Variants in DIP2C observed in about 807,000 individuals in gnomAD.
DIP2C encodes the protein disco-interacting protein 2 homolog C.
In DIP2C, 33 loss-of-function variants were observed where a neutral mutation model predicts 192.4. The ratio of observed to expected loss-of-function variants is 0.17; its 90% CI spans 0.13 to 0.23. The LOEUF (loss-of-function observed/expected upper bound fraction) is 0.23, where lower values mean the gene tolerates loss of function less well. Ranked by LOEUF, DIP2C falls within the 10% of genes least tolerant of loss-of-function variation. The pLI is 1.00. For missense variants in DIP2C, 1,537 were observed against 2,110.1 expected (o/e 0.73, Z 5.32); for synonymous variants, 979 against 864.1 (o/e 1.13, Z -2.33).
In DIP2C at chr10:458,137, A is replaced by G. The variant is rs565346713; in HGVS notation, c.268+14302T>C. 1.8e-4 allele frequency among the ~76,000 whole-genome samples: 27 copies of G among 152,322 alleles called. 1 individual carries two copies. The East Asian group carries it at 5.2e-3, about 29-fold the overall frequency. On this transcript the variant is annotated intron_variant, in intron 3 of 36. Transcript: ENST00000280886. ...CATACTGGACAGGGCAGCTCCCACC[A>G]GACAGAGCCTGTCACCTCCTCTGGG...
chr10:437,699 G>C (rs1967382750), intron 4 of DIP2C: 1 of 152,138 alleles, frequency 6.6e-6, no homozygotes, highest in Non-Finnish European at 1.5e-5. Flanking sequence ...CAGAAGTTTT[G>C]GCAAATTATT....
intron 1 of DIP2C, among the ~76,000 whole-genome samples, chr10:562,485 A>G (rs149402419): frequency 1.4e-3 from 219 of 152,368 alleles, no homozygotes; most frequent in African/African-American, 4.7e-3. Flanking sequence ...TACCTGATAC[A>G]TTACAGAATC....
chr10:441,835 C>T (rs545526463), intron 3 of DIP2C, among the ~76,000 whole-genome samples: 1 of 152,298 alleles, frequency 6.6e-6, no homozygotes, highest in East Asian at 1.9e-4. Context: ...ACACATTCAC[C>T]AAGTGCCTCC....
intron 1 of DIP2C, among the ~76,000 whole-genome samples, chr10:552,485 T>C (rs1362594969): frequency 6.6e-6 from 1 of 152,240 alleles, no homozygotes; most frequent in East Asian, 1.9e-4. Context: ...TCTCATAGAC[T>C]AAGTATTAAA....
intron 1 of DIP2C, among the ~76,000 whole-genome samples, chr10:506,148 C>T (rs1027162147): frequency 2.6e-5 from 4 of 152,160 alleles, no homozygotes; most frequent in East Asian, 1.9e-4. Flanking sequence ...CGTTACCCTT[C>T]GGAAGACACA....
rs2132781709 is a variant in DIP2C, at chr10:369,474, A to G, written c.2131+20T>C. On this transcript the variant is annotated intron_variant, in intron 18 of 36. Transcript: ENST00000280886. The stretch of plus-strand genomic sequence containing the variant: ...CATTTAATAACTGGTTAATCTGTGC[A>G]GCTCGCGACCCACACTCACCTCCAG... The G allele has an allele frequency of 1.3e-6, 2 of 1,521,252 alleles. No homozygotes were observed. The highest frequency in any genetic ancestry group is 1.8e-6 in the Non-Finnish European group (2 of 1,133,440). The allele number at this position is 1,521,252 out of a possible 1,614,324, so 94.2% of individuals were successfully genotyped here.
chr10:437,350 C>G (rs909119084), intron 4 of DIP2C, among the ~76,000 whole-genome samples: 1 of 150,918 alleles, frequency 6.6e-6, no homozygotes, highest in Non-Finnish European at 1.5e-5. Flanking sequence ...GGTGGCCATG[C>G]TCCACCCACA....
intron 1 of DIP2C, among the ~76,000 whole-genome samples, chr10:561,890 G>C (rs377423221): frequency 6.6e-6 from 1 of 152,174 alleles, no homozygotes; most frequent in African/African-American, 2.4e-5. Flanking sequence ...CCATCTGCAC[G>C]AGTCACGCGT....
At chr10:370,083 G>A (rs1172990395) in intron 17 of DIP2C, 1 of 977,868 alleles carries the variant, frequency 1.0e-6, no homozygotes, top group Non-Finnish European at 1.2e-6. Flanking sequence ...AGCAATGATG[G>A]AAATCCTGAC....
intron 1 of DIP2C, among the ~76,000 whole-genome samples, chr10:507,956 G>A (rs1360348453): frequency 2.0e-5 from 3 of 152,204 alleles, no homozygotes; most frequent in South Asian, 2.1e-4. Context: ...GAGTCCATGC[G>A]TTGTATCATC....
intron 1 of DIP2C, among the ~76,000 whole-genome samples, chr10:686,723 G>A (rs956203354): frequency 6.6e-6 from 1 of 152,262 alleles, no homozygotes; most frequent in Middle Eastern, 3.2e-3. Flanking sequence ...CACAGGGCAC[G>A]GGACAGGGAC....
chr10:352,594 C>T (rs557899373), intron 24 of DIP2C, among the ~76,000 whole-genome samples: 15 of 152,206 alleles, frequency 9.9e-5, no homozygotes, highest in Non-Finnish European at 2.2e-4. Context: ...AGCAGACACC[C>T]CTCGCTCCAT....
At chr10:658,603 C>A (rs1856555646) in intron 1 of DIP2C, among the ~76,000 whole-genome samples, 1 of 152,202 alleles carries the variant, frequency 6.6e-6, no homozygotes, top group South Asian at 2.1e-4. Flanking sequence ...CTAGAAATAC[C>A]AATCATTAGC....
intron 1 of DIP2C, among the ~76,000 whole-genome samples, chr10:591,016 G>A (rs1432353665): frequency 6.6e-6 from 1 of 152,088 alleles, no homozygotes; most frequent in African/African-American, 2.4e-5. Context: ...CATTTCCCTT[G>A]TCAAGATCAA....
intron 3 of DIP2C, among the ~76,000 whole-genome samples, chr10:444,224 C>T (rs1967970533): frequency 6.6e-6 from 1 of 151,378 alleles, no homozygotes; most frequent in Non-Finnish European, 1.5e-5. Flanking sequence ...TGTAGATTCT[C>T]TACCATTGCA....
chr10:405,311 T>C (rs1359544288), intron 9 of DIP2C, among the ~76,000 whole-genome samples: 4 of 152,230 alleles, frequency 2.6e-5, no homozygotes, highest in African/African-American at 4.8e-5. Flanking sequence ...AAATTCTCAC[T>C]GATTTATCAC....
At chr10:387,663 G>A in intron 14 of DIP2C, 82 bp downstream of exon 14, 2 of 1,187,638 alleles carry the variant, frequency 1.7e-6, no homozygotes, top group Non-Finnish European at 1.3e-6. Context: ...GACAGTATGG[G>A]GAGGGGGACT....
intron 1 of DIP2C, among the ~76,000 whole-genome samples, chr10:674,789 T>TATATATATATATATAGAGAG: frequency 8.5e-4 from 53 of 62,474 alleles, no homozygotes; most frequent in East Asian, 2.2e-3. Flanking sequence ...TATATATATA[T>TATATATATATATATAGAGAG]AGAGAGAGAG....
At chr10:544,309 T>C (rs1848166173) in intron 1 of DIP2C, among the ~76,000 whole-genome samples, 1 of 152,250 alleles carries the variant, frequency 6.6e-6, no homozygotes, top group African/African-American at 2.4e-5. Context: ...GATACTCCAT[T>C]GTGTGCAAAT....
Sources: gnomAD v4.1 joint callset for allele counts (sites outside exome capture counted in the v4.1 genomes callset) on GRCh38, gnomAD v4.1.1 for gene constraint, MANE v1.5 for transcripts, NCBI Gene and HGNC (gene_info 2026-07-23, HGNC 2026-07-21) for gene names.